Variants in PRKD1 observed in about 807,000 individuals in gnomAD.
The protein encoded by PRKD1 is serine/threonine-protein kinase D1.
A neutral mutation model predicts 95.9 loss-of-function variants in PRKD1; 63 were observed. That is an observed-to-expected ratio of 0.66 (90% CI 0.54 to 0.81). The LOEUF is 0.81. Among genes scored for constraint, PRKD1 ranks in the 30% least tolerant of loss-of-function variants. The pLI, the probability that PRKD1 is intolerant of heterozygous loss-of-function variation, is 0.00. For synonymous variants in PRKD1, 425 were observed against 423.1 expected (o/e 1.00, Z -0.05); for missense variants, 1,048 against 1,165.3 (o/e 0.90, Z 1.47).
At chr14:29,904,879 G>A (rs756227763) in intron 1 of PRKD1, among the ~76,000 whole-genome samples, 5 of 152,042 alleles carry the variant, frequency 3.3e-5, no homozygotes, top group African/African-American at 1.2e-4. Flanking sequence ...TAAAATCATC[G>A]GTCTAAAATA....
At chr14:29,615,928 G>A (rs1012689907) in intron 13 of PRKD1, among the ~76,000 whole-genome samples, 1 of 152,094 alleles carries the variant, frequency 6.6e-6, no homozygotes, top group Non-Finnish European at 1.5e-5. Flanking sequence ...GATTGGTTTC[G>A]GGTGAGGGCA....
At chr14:29,779,230 G>A (rs1888921402) in intron 1 of PRKD1, among the ~76,000 whole-genome samples, 1 of 152,148 alleles carries the variant, frequency 6.6e-6, no homozygotes, top group African/African-American at 2.4e-5. Context: ...ACTGGCACAA[G>A]ACAGGGATGT....
chr14:29,627,044 G>A (rs781419475), intron 11 of PRKD1, among the ~76,000 whole-genome samples: 2 of 152,152 alleles, frequency 1.3e-5, no homozygotes, highest in Non-Finnish European at 2.9e-5. Context: ...ATGTAATAAC[G>A]TAATGTTACG....
intron 1 of PRKD1, among the ~76,000 whole-genome samples, chr14:29,864,766 G>A (rs1283460078): frequency 2.6e-5 from 4 of 152,040 alleles, no homozygotes; most frequent in African/African-American, 7.2e-5. Flanking sequence ...GATTGAGGAG[G>A]GCAGGGAAAT....
chr14:29,656,567 A>C (rs1881853002), intron 4 of PRKD1: 1 of 1,469,978 alleles, frequency 6.8e-7, no homozygotes, highest in Non-Finnish European at 9.2e-7. Flanking sequence ...AAAGACAGGA[A>C]AACAACGTTA....
chr14:29,780,925 G>A (rs1341416489), intron 1 of PRKD1, among the ~76,000 whole-genome samples: 1 of 152,116 alleles, frequency 6.6e-6, no homozygotes, highest in East Asian at 1.9e-4. Context: ...TTAAGAAAAT[G>A]TGGCACATAT....
At chr14:29,723,664 A>AGTGTGTGT (rs1206927919) in intron 2 of PRKD1, among the ~76,000 whole-genome samples, 4 of 98,314 alleles carry the variant, frequency 4.1e-5, no homozygotes, top group African/African-American at 1.5e-4. Flanking sequence ...AACATAATTG[A>AGTGTGTGT]GTGTGCGTGT....
chr14:29,899,513 G>GA (rs1218859550), intron 1 of PRKD1, among the ~76,000 whole-genome samples: 8 of 152,216 alleles, frequency 5.3e-5, no homozygotes, highest in African/African-American at 1.9e-4. Context: ...TGGGCATGGT[G>GA]ACCCACGCCT....
chr14:29,894,675 T>C (rs1418660313), intron 1 of PRKD1, among the ~76,000 whole-genome samples: 1 of 152,164 alleles, frequency 6.6e-6, no homozygotes, highest in African/African-American at 2.4e-5. Context: ...AAACAGATTT[T>C]AGATATATTT....
intron 4 of PRKD1, among the ~76,000 whole-genome samples, chr14:29,652,547 C>T (rs955595082): frequency 6.6e-6 from 1 of 152,162 alleles, no homozygotes; most frequent in African/African-American, 2.4e-5. Context: ...AAACTCACTA[C>T]TGCACATAGT....
intron 2 of PRKD1, among the ~76,000 whole-genome samples, chr14:29,714,671 T>C (rs2139365392): frequency 6.6e-6 from 1 of 152,230 alleles, no homozygotes; most frequent in Non-Finnish European, 1.5e-5. Context: ...ATGTTTATTG[T>C]GGCACTGTTC....
intron 1 of PRKD1, among the ~76,000 whole-genome samples, chr14:29,840,656 A>G (rs1443288495): frequency 1.3e-5 from 2 of 152,216 alleles, no homozygotes; most frequent in Admixed American, 1.3e-4. Context: ...ACAGTTCCAC[A>G]TGGCTGGGGA....
chr14:29,730,991 T>C (rs1288779581), intron 1 of PRKD1, among the ~76,000 whole-genome samples: 1 of 151,922 alleles, frequency 6.6e-6, no homozygotes, highest in Non-Finnish European at 1.5e-5. Flanking sequence ...ACTAAGATAA[T>C]AGAAAAATTT....
At chr14:29,703,780 A>G (rs564490030) in intron 2 of PRKD1, among the ~76,000 whole-genome samples, 47 of 152,318 alleles carry the variant, frequency 3.1e-4, no homozygotes, top group African/African-American at 9.4e-4. Flanking sequence ...GGGAATAAAC[A>G]TCTCTAGGGA....
intron 1 of PRKD1, among the ~76,000 whole-genome samples, chr14:29,883,653 A>G (rs558589075): frequency 1.3e-5 from 2 of 152,322 alleles, no homozygotes; most frequent in South Asian, 4.1e-4. Context: ...TTTCTGAGTT[A>G]TACTTGATGG....
intron 2 of PRKD1, among the ~76,000 whole-genome samples, chr14:29,708,119 CAT>C (rs2139347261): frequency 6.6e-6 from 1 of 152,096 alleles, no homozygotes; most frequent in African/African-American, 2.4e-5. Context: ...GGAATTAACA[CAT>C]AATGATGTCC....
At chr14:29,903,996 A>C (rs1417493332) in intron 1 of PRKD1, among the ~76,000 whole-genome samples, 1 of 152,196 alleles carries the variant, frequency 6.6e-6, no homozygotes, top group Admixed American at 6.5e-5. Flanking sequence ...AAACACACAC[A>C]CACACATATA....
At chr14:29,728,338 G>T (rs891065111) in intron 1 of PRKD1, among the ~76,000 whole-genome samples, 1 of 152,102 alleles carries the variant, frequency 6.6e-6, no homozygotes, top group Non-Finnish European at 1.5e-5. Context: ...ATAAATCTAT[G>T]AGTCTTGACA....
At chr14:29,639,246 CA>C (rs1269542638) in intron 4 of PRKD1, among the ~76,000 whole-genome samples, 1 of 152,162 alleles carries the variant, frequency 6.6e-6, no homozygotes, top group Non-Finnish European at 1.5e-5. Context: ...ATATCATTGA[CA>C]TTTTTTACAG....
Sources: gnomAD v4.1 joint callset for allele counts (sites outside exome capture counted in the v4.1 genomes callset) on GRCh38, gnomAD v4.1.1 for gene constraint, MANE v1.5 for transcripts, NCBI Gene and HGNC (gene_info 2026-07-23, HGNC 2026-07-21) for gene names.